CCSER2: variants seen among roughly 807,000 people sequenced by gnomAD.
CCSER2 encodes serine-rich coiled-coil domain-containing protein 2.
Under a neutral mutation model 92.3 loss-of-function variants are expected in CCSER2, and 46 were observed. The ratio of observed to expected loss-of-function variants is 0.50; its 90% CI spans 0.39 to 0.64. The LOEUF (loss-of-function observed/expected upper bound fraction) is 0.64, where lower values mean the gene tolerates loss of function less well. CCSER2 is among the 30% of genes least tolerant of loss of function. The pLI, the probability that CCSER2 is intolerant of heterozygous loss-of-function variation, is 0.00. For missense variants in CCSER2, 1,244 were observed against 1,238.9 expected, an observed-to-expected ratio of 1.00 and a Z score of -0.06; for synonymous variants, 433 against 431.4, an observed-to-expected ratio of 1.00 and a Z score of -0.04.
intron 9 of CCSER2, among the ~76,000 whole-genome samples, chr10:84,506,796 A>AAAAT (rs144088295): frequency 0.092 from 13,552 of 147,890 alleles, 709 homozygotes; most frequent in Admixed American, 0.13. Context: ...CTCCATCTCA[A>AAAAT]AAATAAATAA....
intron 9 of CCSER2, among the ~76,000 whole-genome samples, chr10:84,488,671 T>G (rs1847956029): frequency 6.6e-6 from 1 of 152,172 alleles, no homozygotes; most frequent in South Asian, 2.1e-4. Context: ...TCAATTTTGT[T>G]GACATTTTCA....
intron 1 of CCSER2, among the ~76,000 whole-genome samples, chr10:84,351,212 G>A (rs1347154058): frequency 6.6e-6 from 1 of 151,856 alleles, no homozygotes; most frequent in Non-Finnish European, 1.5e-5. Flanking sequence ...TTAGGGTGGT[G>A]GAATTATAGG....
intron 6 of CCSER2, among the ~76,000 whole-genome samples, chr10:84,440,560 G>T (rs1270575790): frequency 6.6e-6 from 1 of 152,172 alleles, no homozygotes; most frequent in African/African-American, 2.4e-5. Flanking sequence ...CATCTGAACA[G>T]GTTACTGTCC....
intron 4 of CCSER2, among the ~76,000 whole-genome samples, chr10:84,422,388 G>A (rs1363471075): frequency 6.6e-6 from 1 of 152,184 alleles, no homozygotes; most frequent in South Asian, 2.1e-4. Context: ...TTGTAAGGTT[G>A]TCCTTTAATA....
intron 3 of CCSER2, among the ~76,000 whole-genome samples, chr10:84,413,843 T>C (rs1354458952): frequency 6.6e-6 from 1 of 152,204 alleles, no homozygotes; most frequent in African/African-American, 2.4e-5. Context: ...TGGCTGCATA[T>C]ATATTTAATA....
chr10:84,444,619 G>A (rs552219354), intron 6 of CCSER2, among the ~76,000 whole-genome samples: 18 of 152,220 alleles, frequency 1.2e-4, no homozygotes, highest in Admixed American at 3.3e-4. Context: ...TTGAGGGACA[G>A]CAGGGAGAAG....
At chr10:84,430,313 A>G (rs991989952) in intron 5 of CCSER2, among the ~76,000 whole-genome samples, 15 of 152,206 alleles carry the variant, frequency 9.9e-5, no homozygotes, top group African/African-American at 3.4e-4. Context: ...CTATACATGT[A>G]TATGTTCTTC....
chr10:84,426,826 A>G (rs1269375615), intron 5 of CCSER2, among the ~76,000 whole-genome samples: 2 of 152,252 alleles, frequency 1.3e-5, no homozygotes, highest in Non-Finnish European at 2.9e-5. Context: ...TACAGTACGC[A>G]TAAGATAAAG....
chr10:84,493,401 C>G (rs901713502), intron 9 of CCSER2, among the ~76,000 whole-genome samples: 1 of 152,190 alleles, frequency 6.6e-6, no homozygotes, highest in African/African-American at 2.4e-5. Flanking sequence ...AAAGAACCAA[C>G]ATTTTGTTTT....
In CCSER2 at chr10:84,502,367, C is replaced by CTTT. The variant is rs562377515; in HGVS notation, c.2326-11063_2326-11061dup. On this transcript the variant is annotated intron_variant, in intron 9 of 9. Transcript: ENST00000372088. ...TCATTAAAAAGTTCTTTGATGACTT[C>CTTT]TTTTTTTTTTTTTTTTTTTTTGAGA... is the stretch of plus-strand genomic sequence containing the variant. Among the ~76,000 whole-genome samples the CTTT allele has an allele frequency of 1.2e-3, 129 of 111,218 alleles. 1 individual carries two copies. The highest frequency in any genetic ancestry group is 1.6e-3 in the Non-Finnish European group (87 of 55,368). 73.0% of individuals were successfully genotyped at this position (111,218 alleles called of 152,430 possible).
intron 4 of CCSER2, chr10:84,424,983 A>G (rs1233596945): frequency 1.0e-6 from 1 of 984,914 alleles, no homozygotes; most frequent in Non-Finnish European, 1.2e-6. Flanking sequence ...CCGGTAACAC[A>G]ATGTCTCCCT....
At chr10:84,507,725 G>C (rs1564734937) in intron 9 of CCSER2, among the ~76,000 whole-genome samples, 2 of 152,180 alleles carry the variant, frequency 1.3e-5, no homozygotes, top group Admixed American at 6.5e-5. Flanking sequence ...TGCTAATGCT[G>C]TAGATCTTTG....
chr10:84,489,160 C>A (rs1030899129), intron 9 of CCSER2, among the ~76,000 whole-genome samples: 1 of 152,006 alleles, frequency 6.6e-6, no homozygotes. Flanking sequence ...CACTTCAACT[C>A]TGTGGTCAAT....
chr10:84,404,231 A>T (rs1276008115), intron 3 of CCSER2, among the ~76,000 whole-genome samples: 1 of 152,194 alleles, frequency 6.6e-6, no homozygotes, highest in Non-Finnish European at 1.5e-5. Context: ...GATCCTCAGT[A>T]TCAAATGACT....
At chr10:84,509,457 A>G (rs940547583) in intron 9 of CCSER2, among the ~76,000 whole-genome samples, 3 of 152,210 alleles carry the variant, frequency 2.0e-5, no homozygotes, top group Admixed American at 1.3e-4. Flanking sequence ...CCTAAAATAG[A>G]CATTTACAAT....
chr10:84,483,507 T>A (rs1406335727), intron 9 of CCSER2, among the ~76,000 whole-genome samples: 1 of 152,062 alleles, frequency 6.6e-6, no homozygotes, highest in African/African-American at 2.4e-5. Context: ...CTATCACAGT[T>A]ACATCACAAA....
At chr10:84,426,008 C>T in intron 5 of CCSER2, 115 bp downstream of exon 5, 1 of 579,308 alleles carries the variant, frequency 1.7e-6, no homozygotes, top group Non-Finnish European at 2.8e-6. Flanking sequence ...TTTAGAGGCA[C>T]CAAAAAGCAC....
intron 2 of CCSER2, among the ~76,000 whole-genome samples, chr10:84,372,880 G>C (rs150044634): frequency 7.9e-4 from 120 of 152,086 alleles, no homozygotes; most frequent in Non-Finnish European, 1.3e-3. Flanking sequence ...AGATAATATA[G>C]GTTATGTCTA....
At chr10:84,418,271 A>G (rs899978478) in intron 4 of CCSER2, among the ~76,000 whole-genome samples, 1 of 152,188 alleles carries the variant, frequency 6.6e-6, no homozygotes, top group Admixed American at 6.5e-5. Flanking sequence ...TGGGAATGTG[A>G]TGACCTTCTG....
Sources: allele counts gnomAD v4.1 joint callset (sites outside exome capture counted in the v4.1 genomes callset), GRCh38; gene constraint gnomAD v4.1.1; transcripts MANE v1.5; gene names NCBI Gene and HGNC (gene_info 2026-07-23, HGNC 2026-07-21).